The following MAST2 variants were observed in gnomAD, a reference collection of about 807,000 sequenced individuals.
MAST2 encodes the protein microtubule-associated serine/threonine-protein kinase 2.
Under a neutral mutation model 147.4 loss-of-function variants are expected in MAST2, and 70 were observed. The ratio of observed to expected loss-of-function variants is 0.47; its 90% CI spans 0.39 to 0.58. The LOEUF (loss-of-function observed/expected upper bound fraction) is 0.58, where lower values mean the gene tolerates loss of function less well. MAST2 is among the 20% of genes least tolerant of loss of function. MAST2 has a pLI of 0.00. For missense variants in MAST2, 2,080 were observed against 2,302.3 expected, an observed-to-expected ratio of 0.90 and a Z score of 1.98; for synonymous variants, 869 against 896.8, an observed-to-expected ratio of 0.97 and a Z score of 0.55.
intron 3 of MAST2, among the ~76,000 whole-genome samples, chr1:45,859,782 G>T (rs1355250089): frequency 1.3e-5 from 2 of 152,150 alleles, no homozygotes; most frequent in Non-Finnish European, 2.9e-5. Context: ...TTTCTGCAAG[G>T]TGTTTGACTT....
rs1644953080 is a variant in MAST2, at chr1:45,831,446, A to G, written c.468+1865A>G. Among the ~76,000 whole-genome samples the G allele has an allele frequency of 2.0e-5, 3 of 152,158 alleles. 1 individual carries two copies. The highest frequency in any genetic ancestry group is 2.0e-4 in the Admixed American group (3 of 15,278). On this transcript the variant is annotated intron_variant, in intron 3 of 28. Coordinates refer to ENST00000361297, the MANE Select transcript of MAST2 (RefSeq NM_015112.3). ...TTTTTGGATCAAAGGATATCCTGAT[A>G]ATACCGAAGTTTGTGATTCTCAGGC...
At chr1:45,900,252 A>G (rs746856480) in intron 4 of MAST2, among the ~76,000 whole-genome samples, 32 of 150,106 alleles carry the variant, frequency 2.1e-4, no homozygotes, top group Non-Finnish European at 3.5e-4. Context: ...TGGTAGTTCT[A>G]TTTTTAGTTC....
At chr1:45,831,050 G>T (rs992201140) in intron 3 of MAST2, among the ~76,000 whole-genome samples, 13 of 138,734 alleles carry the variant, frequency 9.4e-5, no homozygotes, top group African/African-American at 1.4e-4. Flanking sequence ...AAAAAAAAAA[G>T]CCTTTTGTTT....
rs752843112 is a variant in MAST2, at chr1:46,034,714, A to G, written c.4045A>G (p.Thr1349Ala). 3.1e-6 allele frequency: 5 copies of G among 1,612,956 alleles called. No individual in the cohort carries two copies. In the South Asian group the frequency reaches 4.4e-5, roughly 14 times the overall value. Residue 1349 changes from threonine to alanine, a missense_variant, in exon 29 of 29, where the codon ACC becomes GCC. Coordinates refer to ENST00000361297, the MANE Select transcript of MAST2 (RefSeq NM_015112.3). ...CATCCCACTGTCACCACTGGCCCAC[A>G]CCCCTTCTCCCCCACCCCCAACAGC... ...GSIPLSPLAH[T>A]PSPPPPTASP...
chr1:46,033,395 C>T (rs1646760604), intron 26 of MAST2, among the ~76,000 whole-genome samples: 2 of 150,828 alleles, frequency 1.3e-5, no homozygotes, highest in African/African-American at 4.9e-5. Flanking sequence ...GCTGAGATCG[C>T]ACCACTGCAC....
At chr1:45,899,633 A>G (rs1649400986) in intron 4 of MAST2, among the ~76,000 whole-genome samples, 1 of 152,160 alleles carries the variant, frequency 6.6e-6, no homozygotes, top group African/African-American at 2.4e-5. Context: ...TGCAAAGGAC[A>G]GGATTTCATT....
At chr1:45,813,821 A>AT (rs1023902960) in intron 1 of MAST2, among the ~76,000 whole-genome samples, 1 of 151,598 alleles carries the variant, frequency 6.6e-6, no homozygotes, top group Non-Finnish European at 1.5e-5. Context: ...TTTTATTAAA[A>AT]TTTTTTTTTA....
chr1:45,877,012 A>T (rs955355098), intron 3 of MAST2, among the ~76,000 whole-genome samples: 2 of 152,220 alleles, frequency 1.3e-5, no homozygotes, highest in African/African-American at 4.8e-5. Context: ...AAAGTAGAAA[A>T]AGAGGATATA....
At chr1:45,950,395 G>T (rs1162867210) in intron 4 of MAST2, among the ~76,000 whole-genome samples, 1 of 152,158 alleles carries the variant, frequency 6.6e-6, no homozygotes, top group Non-Finnish European at 1.5e-5. Flanking sequence ...TTCACCCTCA[G>T]TGCAGGAATG....
chr1:46,010,687 T>C, intron 9 of MAST2, 43 bp from the exon 10 acceptor site: 1 of 1,579,846 alleles, frequency 6.3e-7, no homozygotes, highest in Non-Finnish European at 8.7e-7. Context: ...CCAACTGAGC[T>C]GGAACTAGAA....
rs2148805316 is a variant in MAST2 at position 45,941,798 on chromosome 1, A to C, written c.501-17588A>C. Among the ~76,000 whole-genome samples, 4 of 152,284 alleles carry C rather than the reference A, an allele frequency of 2.6e-5. 1 individual carries two copies. The highest frequency in any genetic ancestry group is 6.8e-3 in the Middle Eastern group (2 of 294). ...CCTCCTCTTAGGGAGAAAAGCATTC[A>C]GTCTTGTTGTCAAATATGTCTTCTG... is the stretch of plus-strand genomic sequence containing the variant. On this transcript the variant is annotated intron_variant, in intron 4 of 28. Transcript: ENST00000361297.
intron 5 of MAST2, among the ~76,000 whole-genome samples, chr1:45,967,571 T>C (rs1056214546): frequency 3.9e-5 from 6 of 152,196 alleles, no homozygotes; most frequent in African/African-American, 1.4e-4. Context: ...TGTTCATTAA[T>C]TGGAAGTGTA....
chr1:45,858,158 T>C (rs1388724513), intron 3 of MAST2, among the ~76,000 whole-genome samples: 2 of 152,166 alleles, frequency 1.3e-5, no homozygotes, highest in Non-Finnish European at 2.9e-5. Context: ...AAATGGTATT[T>C]CTAGTTCTGC....
chr1:45,879,527 T>C (rs569914628), intron 3 of MAST2, among the ~76,000 whole-genome samples: 14 of 136,754 alleles, frequency 1.0e-4, no homozygotes, highest in Non-Finnish European at 1.2e-4. Context: ...ACGCCGAGAT[T>C]GCACCACTGC....
intron 4 of MAST2, among the ~76,000 whole-genome samples, chr1:45,919,067 G>T (rs1297825949): frequency 2.6e-5 from 4 of 152,146 alleles, no homozygotes. Flanking sequence ...AGGTTGCAGT[G>T]AGCTGAGATC....
In MAST2 at chr1:45,915,529, T is replaced by C. The variant is rs577007708; in HGVS notation, c.500+33134T>C. ...ATCGAGACCATCCTGGCTAACACGG[T>C]GAAACTCTGTCTCTACTGAAAATAC... On this transcript the variant is annotated intron_variant, in intron 4 of 28. Transcript: ENST00000361297. Among the ~76,000 whole-genome samples the C allele has an allele frequency of 3.3e-5, 5 of 152,096 alleles. No homozygotes were observed. In the East Asian group the frequency reaches 7.7e-4, roughly 24 times the overall value.
intron 3 of MAST2, among the ~76,000 whole-genome samples, chr1:45,837,714 A>C (rs1373231889): frequency 6.6e-6 from 1 of 152,214 alleles, no homozygotes; most frequent in African/African-American, 2.4e-5. Context: ...CTGTTTTCTA[A>C]AGTGGCTATA....
chr1:45,963,851 G>A (rs943560964), intron 5 of MAST2, among the ~76,000 whole-genome samples: 1 of 152,158 alleles, frequency 6.6e-6, no homozygotes, highest in African/African-American at 2.4e-5. Context: ...GTTTTCAAAG[G>A]GAATGCTTCC....
chr1:45,882,525 C>CTA, intron 4 of MAST2, 130 bp downstream of exon 4: 1 of 673,620 alleles, frequency 1.5e-6, no homozygotes. Flanking sequence ...CCTATCTGAG[C>CTA]TAGGGAAGCC....
Sources: allele counts gnomAD v4.1 joint callset (sites outside exome capture counted in the v4.1 genomes callset), GRCh38; gene constraint gnomAD v4.1.1; transcripts MANE v1.5; gene names NCBI Gene and HGNC (gene_info 2026-07-23, HGNC 2026-07-21).